The following CSMD1 variants were observed in gnomAD, a reference collection of about 807,000 sequenced individuals.
CSMD1 encodes the protein CUB and sushi domain-containing protein 1.
In CSMD1, 213 loss-of-function variants were observed where a neutral mutation model predicts 417.5. That is an observed-to-expected ratio of 0.51 (90% confidence interval 0.46 to 0.57). The LOEUF (loss-of-function observed/expected upper bound fraction) is 0.57, where lower values mean the gene tolerates loss of function less well. CSMD1 is among the 20% of genes least tolerant of loss of function. The pLI, the probability that CSMD1 is intolerant of heterozygous loss-of-function variation, is 0.00. For missense variants in CSMD1, 6,923 were observed against 4,529.7 expected, an observed-to-expected ratio of 1.53 and a Z score of -15.17; for synonymous variants, 2,862 against 1,736.8, an observed-to-expected ratio of 1.65 and a Z score of -16.11.
At chr8:2,965,302 A>G (rs141839116) in intron 59 of CSMD1, among the ~76,000 whole-genome samples, 6 of 152,266 alleles carry the variant, frequency 3.9e-5, no homozygotes, top group African/African-American at 1.4e-4. Context: ...TGTCATCTTC[A>G]GTCTCGGCAA....
intron 5 of CSMD1, among the ~76,000 whole-genome samples, chr8:3,926,046 CACCAT>C (rs1809652583): frequency 1.1e-5 from 1 of 91,044 alleles, no homozygotes; most frequent in Admixed American, 1.3e-4. Flanking sequence ...CACACACAAA[CACCAT>C]ATACACACAC....
chr8:4,164,625 T>G (rs1030157349), intron 3 of CSMD1, among the ~76,000 whole-genome samples: 4 of 152,186 alleles, frequency 2.6e-5, no homozygotes, highest in African/African-American at 4.8e-5. Context: ...TTGGTTTACA[T>G]ACTTCTGTGA....
Position 4,321,119 on chromosome 8 carries a change from C to G in CSMD1, c.415+98834G>C, listed in dbSNP as rs558617501. ...TTTTTGTCTAGACTCTAGTCTAAAT[C>G]AATCAAAGGCAGGAAGAGTGTCAAA... On this transcript the variant is annotated intron_variant, in intron 3 of 69. Coordinates refer to ENST00000635120, the MANE Select transcript of CSMD1 (RefSeq NM_033225.6). Among the ~76,000 whole-genome samples, 4 of 152,240 alleles carry G rather than the reference C, an allele frequency of 2.6e-5. No individual in the cohort carries two copies. In the East Asian group the frequency reaches 7.7e-4, roughly 29 times the overall value.
chr8:4,723,944 G>A (rs143013902), intron 1 of CSMD1, among the ~76,000 whole-genome samples: 16 of 152,084 alleles, frequency 1.1e-4, no homozygotes, highest in Admixed American at 6.6e-4. Flanking sequence ...TGAGTAACTT[G>A]CCTAGATAAG....
At chr8:4,595,633 G>A (rs557757629) in intron 2 of CSMD1, among the ~76,000 whole-genome samples, 18 of 152,234 alleles carry the variant, frequency 1.2e-4, no homozygotes, top group South Asian at 4.1e-4. Flanking sequence ...TGGGTACTGC[G>A]ATGCATGTCT....
intron 5 of CSMD1, among the ~76,000 whole-genome samples, chr8:3,929,650 G>A (rs1374713927): frequency 7.0e-6 from 1 of 143,034 alleles, no homozygotes; most frequent in African/African-American, 2.7e-5. Context: ...AAACATATTT[G>A]TATGAATAAA....
At chr8:3,322,891 G>C (rs1182930511) in intron 23 of CSMD1, among the ~76,000 whole-genome samples, 1 of 152,224 alleles carries the variant, frequency 6.6e-6, no homozygotes, top group Non-Finnish European at 1.5e-5. Context: ...GACTTAGGAA[G>C]TGCTGTGATT....
intron 5 of CSMD1, among the ~76,000 whole-genome samples, chr8:3,895,467 A>G (rs1314326117): frequency 6.6e-6 from 1 of 152,174 alleles, no homozygotes; most frequent in Non-Finnish European, 1.5e-5. Flanking sequence ...TAGCAGACAA[A>G]AAAGAAAAAA....
chr8:4,741,948 C>G (rs1323130962), intron 1 of CSMD1, among the ~76,000 whole-genome samples: 1 of 141,594 alleles, frequency 7.1e-6, no homozygotes, highest in Non-Finnish European at 1.5e-5. Flanking sequence ...ATCTTCCCAT[C>G]TTAGCCTCCA....
intron 54 of CSMD1, among the ~76,000 whole-genome samples, chr8:2,996,191 G>C (rs1806881717): frequency 6.6e-6 from 1 of 150,836 alleles, no homozygotes; most frequent in Non-Finnish European, 1.5e-5. Flanking sequence ...AAAAGAGAGA[G>C]AATTGATGAC....
intron 1 of CSMD1, among the ~76,000 whole-genome samples, chr8:4,789,019 A>G (rs989884189): frequency 1.3e-5 from 2 of 152,108 alleles, no homozygotes; most frequent in African/African-American, 4.8e-5. Flanking sequence ...AAATCAGACT[A>G]CCAGGGTCTC....
chr8:4,741,952 G>C (rs539563117), intron 1 of CSMD1, among the ~76,000 whole-genome samples: 1 of 130,504 alleles, frequency 7.7e-6, no homozygotes, highest in East Asian at 2.4e-4. Context: ...TCCCATCTTA[G>C]CCTCCAGAGA....
intron 3 of CSMD1, among the ~76,000 whole-genome samples, chr8:4,371,694 A>G (rs555585844): frequency 9.9e-5 from 15 of 152,212 alleles, no homozygotes; most frequent in Non-Finnish European, 2.1e-4. Context: ...AATGTTAGCT[A>G]TATAATCATT....
At chr8:3,189,466 G>A (rs1036987972) in intron 34 of CSMD1, among the ~76,000 whole-genome samples, 1 of 152,206 alleles carries the variant, frequency 6.6e-6, no homozygotes, top group African/African-American at 2.4e-5. Context: ...GATTGCGCTG[G>A]AGCTTTCCAC....
At chr8:3,450,292 G>A (rs150309808) in intron 12 of CSMD1, among the ~76,000 whole-genome samples, 1 of 150,822 alleles carries the variant, frequency 6.6e-6, no homozygotes, top group Non-Finnish European at 1.5e-5. Flanking sequence ...CATACACATG[G>A]TTGCATACAA....
intron 3 of CSMD1, among the ~76,000 whole-genome samples, chr8:4,119,827 T>G (rs563209919): frequency 6.6e-6 from 1 of 152,292 alleles, no homozygotes; most frequent in Non-Finnish European, 1.5e-5. Context: ...ATTTTAAAAC[T>G]CCTACACGTT....
intron 12 of CSMD1, among the ~76,000 whole-genome samples, chr8:3,458,566 A>T (rs1160282579): frequency 2.0e-5 from 3 of 152,232 alleles, no homozygotes; most frequent in African/African-American, 7.2e-5. Context: ...GTTTGTTTTA[A>T]TATCGTTTCA....
At chr8:4,276,792 G>T (rs543151777) in intron 3 of CSMD1, among the ~76,000 whole-genome samples, 2 of 152,052 alleles carry the variant, frequency 1.3e-5, no homozygotes, top group East Asian at 1.9e-4. Flanking sequence ...AAGAAAAATA[G>T]AACAGTGGTT....
chr8:4,069,655 T>G lies in CSMD1; in HGVS notation c.416-37556A>C, dbSNP rs1167811088. Among the ~76,000 whole-genome samples the G allele has an allele frequency of 2.0e-5, 3 of 152,168 alleles. No individual in the cohort carries two copies. The South Asian group carries it at 6.2e-4, about 32-fold the overall frequency. ...CAAGCCTCTGCAGCTTCCTGGGCCA[T>G]GGCTCCTGTTTCTCCGACTGGATTG... On this transcript the variant is annotated intron_variant, in intron 3 of 69. Coordinates refer to ENST00000635120, the MANE Select transcript of CSMD1 (RefSeq NM_033225.6).
Sources: allele counts gnomAD v4.1 joint callset (sites outside exome capture counted in the v4.1 genomes callset), GRCh38; gene constraint gnomAD v4.1.1; transcripts MANE v1.5; gene names NCBI Gene and HGNC (gene_info 2026-07-23, HGNC 2026-07-21).